PLCL2: variants seen among roughly 807,000 people sequenced by gnomAD.
PLCL2 encodes the protein inactive phospholipase C-like protein 2.
In PLCL2, 4 loss-of-function variants were observed where a neutral mutation model predicts 79.6. The ratio of observed to expected loss-of-function variants is 0.05; its 90% CI spans 0.02 to 0.11. The LOEUF is 0.11. Among genes scored for constraint, PLCL2 ranks in the 10% least tolerant of loss-of-function variants. The pLI is 1.00. For synonymous variants in PLCL2, 484 were observed against 457.7 expected (o/e 1.06, Z -0.73); for missense variants, 895 against 1,291.0 (o/e 0.69, Z 4.70).
At chr3:16,890,865 C>G (rs964529795) in intron 1 of PLCL2, among the ~76,000 whole-genome samples, 1 of 152,166 alleles carries the variant, frequency 6.6e-6, no homozygotes, top group Non-Finnish European at 1.5e-5. Flanking sequence ...CAGAGTAATT[C>G]CATAGCTTTA....
At chr3:16,939,615 TA>T (rs1319009724) in intron 1 of PLCL2, among the ~76,000 whole-genome samples, 3 of 152,156 alleles carry the variant, frequency 2.0e-5, no homozygotes, top group Non-Finnish European at 4.4e-5. Context: ...GGTGAAACAA[TA>T]AAAAAGTAGT....
Position 16,886,729 on chromosome 3 carries a change from C to T in PLCL2, c.327+1363C>T, listed in dbSNP as rs557266942. ...TGCATACATAGCTTTTAGTGACTTA[C>T]GTTTTCTTTTACTCTGTAGCTTATG... On this transcript the variant is annotated intron_variant, in intron 1 of 5. Coordinates refer to ENST00000615277, the MANE Select transcript of PLCL2 (RefSeq NM_001144382.2). The surrounding 1 kb of genome is among the most constrained non-coding windows in gnomAD (Gnocchi z 4.2). Among the ~76,000 whole-genome samples, 1 of 152,136 alleles carries T rather than the reference C, an allele frequency of 6.6e-6. No homozygotes were observed. The highest frequency in any genetic ancestry group is 2.1e-4 in the South Asian group (1 of 4,826).
At chr3:17,060,557 AC>A (rs1201688314) in intron 4 of PLCL2, among the ~76,000 whole-genome samples, 1 of 152,118 alleles carries the variant, frequency 6.6e-6, no homozygotes, top group Non-Finnish European at 1.5e-5. Flanking sequence ...CAAACTTCAG[AC>A]CTCCGGAGTT....
chr3:16,936,805 G>T (rs2124947011), intron 1 of PLCL2, among the ~76,000 whole-genome samples: 1 of 152,166 alleles, frequency 6.6e-6, no homozygotes, highest in Middle Eastern at 3.4e-3. Flanking sequence ...TCAGAGATCA[G>T]GAAAAAATGG....
chr3:16,913,556 T>C (rs1168579298), intron 1 of PLCL2, among the ~76,000 whole-genome samples: 2 of 152,028 alleles, frequency 1.3e-5, no homozygotes, highest in East Asian at 1.9e-4. Flanking sequence ...TACCTCAAAT[T>C]ATATCATTTT....
rs544240024 is a variant in PLCL2 at position 17,038,945 on chromosome 3, TA to T, written c.3019-3928del. On this transcript the variant is annotated intron_variant, in intron 3 of 5. Transcript: ENST00000615277. Reference sequence around the variant, plus strand: ...AGTTTCATGACTTACTAATTACAGTTATTTTGCCTATAATACCAGATTACCT... The same window carrying T: ...AGTTTCATGACTTACTAATTACAGTTTTTTGCCTATAATACCAGATTACCT... Among the ~76,000 whole-genome samples the T allele has an allele frequency of 6.6e-5, 10 of 152,346 alleles. 1 individual carries two copies. In the South Asian group the frequency reaches 2.1e-3, roughly 32 times the overall value.
chr3:16,899,565 G>A (rs760489212), intron 1 of PLCL2, among the ~76,000 whole-genome samples: 6 of 152,120 alleles, frequency 3.9e-5, no homozygotes, highest in Non-Finnish European at 7.4e-5. Flanking sequence ...AGTGTTAAAT[G>A]TGTCCAGAAG....
intron 1 of PLCL2, among the ~76,000 whole-genome samples, chr3:16,913,356 G>T (rs998237426): frequency 6.6e-6 from 1 of 150,916 alleles, no homozygotes; most frequent in Non-Finnish European, 1.5e-5. Flanking sequence ...GGTGTGCCCT[G>T]TATCTTTTAT....
intron 1 of PLCL2, among the ~76,000 whole-genome samples, chr3:17,006,347 C>G (rs1354381818): frequency 1.3e-5 from 2 of 152,206 alleles, no homozygotes; most frequent in Non-Finnish European, 2.9e-5. Context: ...CCCTCCCACA[C>G]AAGTGCTTCT....
intron 3 of PLCL2, among the ~76,000 whole-genome samples, chr3:17,031,230 T>C (rs998523113): frequency 6.6e-6 from 1 of 152,138 alleles, no homozygotes; most frequent in African/African-American, 2.4e-5. Context: ...CTGAACTCAC[T>C]ATCTTTAATG....
At chr3:16,966,162 A>G in intron 1 of PLCL2, among the ~76,000 whole-genome samples, 2 of 148,110 alleles carry the variant, frequency 1.4e-5, no homozygotes, top group Non-Finnish European at 3.0e-5. Context: ...GTTTGTCATA[A>G]ATAGCTCTTA....
In PLCL2 at chr3:16,940,162, G is replaced by A. The variant is rs566193013; in HGVS notation, c.327+54796G>A. Among the ~76,000 whole-genome samples, 8 of 152,176 alleles carry A rather than the reference G, an allele frequency of 5.3e-5. No individual in the cohort carries two copies. In the South Asian group the frequency reaches 1.5e-3, roughly 28 times the overall value. On this transcript the variant is annotated intron_variant, in intron 1 of 5. Transcript: ENST00000615277. Reference sequence around the variant, plus strand: ...CCCTCGTCCAGATGTCCCTCCCGGCGGGCCAGCACCTCCATTGAGTTCTGA... The same window carrying A: ...CCCTCGTCCAGATGTCCCTCCCGGCAGGCCAGCACCTCCATTGAGTTCTGA...
chr3:17,034,078 A>C (rs1238831386), intron 3 of PLCL2, among the ~76,000 whole-genome samples: 1 of 152,148 alleles, frequency 6.6e-6, no homozygotes, highest in Non-Finnish European at 1.5e-5. Flanking sequence ...GGAAAAAATA[A>C]TTGATTCCCA....
intron 4 of PLCL2, among the ~76,000 whole-genome samples, chr3:17,045,411 A>AT (rs1270700195): frequency 2.6e-5 from 4 of 152,146 alleles, no homozygotes; most frequent in Admixed American, 6.6e-5. Flanking sequence ...TGTGTAATCT[A>AT]TTTTTTACAT....
chr3:16,899,671 G>T lies in PLCL2; in HGVS notation c.327+14305G>T, dbSNP rs149503084. ...TTCGGGACCAGGGCAAGTACTTTTC[G>T]CATGACTGACATGGTAAGTAAAACC... On this transcript the variant is annotated intron_variant, in intron 1 of 5. Transcript: ENST00000615277. Among the ~76,000 whole-genome samples the T allele has an allele frequency of 1.2e-3, 180 of 152,152 alleles. 4 individuals carry two copies. Among genetic ancestry groups the T allele is most frequent in the Admixed American group, 0.01 (156 of 15,276 alleles).
chr3:16,885,039 C>T lies in PLCL2; in HGVS notation c.-1C>T, dbSNP rs1242508200. 2.9e-6 allele frequency: 1 copy of T among 347,346 alleles called. No individual in the cohort carries two copies. The highest frequency in any genetic ancestry group is 2.2e-5 in the African/African-American group (1 of 46,262). 21.5% of individuals were successfully genotyped at this position (347,346 alleles called of 1,614,324 possible). A position where few individuals can be genotyped will look rare whatever the true frequency, so the allele number is the denominator to read the frequency against. ...TTGTGCAGGCGGGTCGCGGGGCGCCCATGGCGGAGTGCGGCCGGGGGGGCG... is the reference window on the plus strand; with the variant it reads ...TTGTGCAGGCGGGTCGCGGGGCGCCTATGGCGGAGTGCGGCCGGGGGGGCG... On this transcript the variant is annotated 5_prime_UTR_variant, in exon 1 of 6. Coordinates refer to ENST00000615277, the MANE Select transcript of PLCL2 (RefSeq NM_001144382.2).
intron 1 of PLCL2, among the ~76,000 whole-genome samples, chr3:16,947,167 C>G (rs2063610727): frequency 6.6e-6 from 1 of 151,728 alleles, no homozygotes. Flanking sequence ...TCAGGCTGGC[C>G]TCAAACTCCT....
chr3:16,915,772 A>T (rs1696979498), intron 1 of PLCL2, among the ~76,000 whole-genome samples: 1 of 152,174 alleles, frequency 6.6e-6, no homozygotes, highest in African/African-American at 2.4e-5. Context: ...GCCAGGTTTC[A>T]CATAGGGAAA....
intron 5 of PLCL2, among the ~76,000 whole-genome samples, chr3:17,089,025 C>G (rs1388774821): frequency 1.3e-5 from 2 of 152,198 alleles, no homozygotes; most frequent in Non-Finnish European, 2.9e-5. Flanking sequence ...GGACCTGCTG[C>G]GTGCCCACGG....
Sources: allele counts gnomAD v4.1 joint callset (sites outside exome capture counted in the v4.1 genomes callset), GRCh38; gene constraint gnomAD v4.1.1; non-coding constraint Gnocchi (gnomAD v3.1); transcripts MANE v1.5; gene names NCBI Gene and HGNC (gene_info 2026-07-23, HGNC 2026-07-21).